The following TRIP4 variants were observed in gnomAD, a reference collection of about 807,000 sequenced individuals.
TRIP4 encodes activating signal cointegrator 1.
TRIP4 carries 54 observed loss-of-function variants against 81.8 expected under a neutral mutation model. The observed-to-expected ratio is 0.66, with a 90% CI of 0.53 to 0.83. The LOEUF is 0.83. Ranked by LOEUF, TRIP4 falls within the 40% of genes least tolerant of loss-of-function variation. TRIP4 has a pLI of 0.00. For synonymous variants in TRIP4, 270 were observed against 242.8 expected (o/e 1.11, Z -1.04); for missense variants, 662 against 683.6 (o/e 0.97, Z 0.35).
intron 11 of TRIP4, among the ~76,000 whole-genome samples, chr15:64,427,613 T>C (rs1171557044): frequency 2.0e-5 from 3 of 152,186 alleles, no homozygotes; most frequent in African/African-American, 7.2e-5. Context: ...TGGCCTCAAG[T>C]GATCCACCTG....
rs1342367441 is a variant in TRIP4, at chr15:64,397,662, A to C, written c.462A>C (p.Thr154=). ...KKKTKFVNLY[T]REGQDRLAVL... is the part of the protein sequence containing the mutation. ...AGACAAAGTTTGTCAATTTATACAC[A>C]AGAGAGGGACAGGACAGGCTTGCAG... Residue 154 remains threonine (T), a synonymous_variant, in exon 4 of 13, where the codon ACA becomes ACC. Transcript: ENST00000261884. 6.2e-7 allele frequency: 1 copy of C among 1,614,044 alleles called. No homozygotes were observed. The highest frequency in any genetic ancestry group is 8.5e-7 in the Non-Finnish European group (1 of 1,180,022).
At position 64,418,715 on chromosome 15, in the gene TRIP4, A is replaced by G. The variant is rs200294952; in HGVS notation, c.1345A>G (p.Arg449Gly). 14 of 1,611,464 alleles carry G rather than the reference A, an allele frequency of 8.7e-6. No individual in the cohort carries two copies. The highest frequency in any genetic ancestry group is 1.2e-5 in the Non-Finnish European group (14 of 1,179,064). Residue 449 changes from arginine to glycine, a missense_variant, in exon 9 of 13, where the codon AGA becomes GGA. Coordinates refer to ENST00000261884, the MANE Select transcript of TRIP4 (RefSeq NM_016213.5). ...VHQPWASLLV[R>G]GIKRVEGRSW... The stretch of plus-strand genomic sequence containing the variant: ...TCAGCCCTGGGCTTCTCTGCTTGTC[A>G]GAGGGATTAAAAGGTAAGAATAAAA...
At chr15:64,388,286 C>T (rs948861541) in intron 1 of TRIP4, among the ~76,000 whole-genome samples, 8 of 152,180 alleles carry the variant, frequency 5.3e-5, no homozygotes, top group Admixed American at 3.3e-4. Context: ...TAACTTTGAA[C>T]CCCTTACTCT....
rs757004255 is a variant in TRIP4, at chr15:64,409,790, C to A, written c.1005C>A (p.Ile335=). The A allele has an allele frequency of 6.2e-7, 1 of 1,613,986 alleles. No individual in the cohort carries two copies. The highest frequency in any genetic ancestry group is 8.5e-7 in the Non-Finnish European group (1 of 1,180,018). ...KVTIDFAGRK[I]LEEENSLAEY... ...CCATTGACTTTGCAGGAAGGAAGATCCTGGAAGAAGAAAATTCACTAGCAG... is the reference window on the plus strand; with the variant it reads ...CCATTGACTTTGCAGGAAGGAAGATACTGGAAGAAGAAAATTCACTAGCAG... The change falls in exon 7 of 13, where the codon ATC becomes ATA. Residue 335 remains isoleucine (I), a synonymous_variant. Transcript: ENST00000261884.
At chr15:64,416,221 A>G (rs1756311809) in intron 8 of TRIP4, among the ~76,000 whole-genome samples, 1 of 152,034 alleles carries the variant, frequency 6.6e-6, no homozygotes, top group South Asian at 2.1e-4. Flanking sequence ...ACACAGTGAG[A>G]CCCCATCTCT....
chr15:64,394,258 C>T (rs998676332), intron 2 of TRIP4, 143 bp downstream of exon 2: 11 of 675,738 alleles, frequency 1.6e-5, no homozygotes, highest in Admixed American at 1.1e-4. Flanking sequence ...ATTTTTAGTT[C>T]GGTTCTACTC....
rs10694997 is a variant in TRIP4 at position 64,444,746 on chromosome 15, C to CTT, written c.1576-241_1576-240dup. Reference sequence around the variant, plus strand: ...TTCTTCTGGGAGGATTTCAGGTATCCTTTTTTTTTTTTTTTTTTTTAATGA... The same window carrying CTT: ...TTCTTCTGGGAGGATTTCAGGTATCCTTTTTTTTTTTTTTTTTTTTTTAATGA... On this transcript the variant is annotated intron_variant, in intron 11 of 12. Coordinates refer to ENST00000261884, the MANE Select transcript of TRIP4 (RefSeq NM_016213.5). The CTT allele has an allele frequency of 0.88, 95,620 of 108,282 alleles. 43,342 individuals are homozygous for CTT. Among genetic ancestry groups the CTT allele is most frequent in the East Asian group, 0.96 (3,395 of 3,534 alleles). The allele number at this position is 108,282 out of a possible 1,614,324, so 6.7% of individuals were successfully genotyped here. A position where few individuals can be genotyped will look rare whatever the true frequency, so the allele number is the denominator to read the frequency against.
intron 12 of TRIP4, among the ~76,000 whole-genome samples, chr15:64,452,091 G>C (rs757750462): frequency 2.0e-5 from 3 of 152,106 alleles, no homozygotes; most frequent in Non-Finnish European, 4.4e-5. Context: ...CTCCTGAGTA[G>C]CTGGGACTCC....
At chr15:64,426,762 A>T (rs1482192338) in intron 11 of TRIP4, among the ~76,000 whole-genome samples, 1 of 148,920 alleles carries the variant, frequency 6.7e-6, no homozygotes, top group Non-Finnish European at 1.5e-5. Context: ...GTGCTTTGGG[A>T]GGCCAAGGCG....
In TRIP4 at chr15:64,424,097, A is replaced by T. The variant is rs951911391; in HGVS notation, c.1425A>T (p.Lys475Asn). The T allele has an allele frequency of 1.9e-6, 3 of 1,612,632 alleles. No homozygotes were observed. In the East Asian group the frequency reaches 6.7e-5, roughly 36 times the overall value. ...GRLWIAATAKKPSPQEVSELQ... is the reference protein window; with the variant it reads ...GRLWIAATAKNPSPQEVSELQ... Reference sequence around the variant, plus strand: ...TTTGGATAGCAGCCACAGCTAAAAAACCCTCCCCTCAAGAAGTCTCAGAAC... The same window carrying T: ...TTTGGATAGCAGCCACAGCTAAAAATCCCTCCCCTCAAGAAGTCTCAGAAC... Residue 475 changes from lysine (K) to asparagine (N), a missense_variant, in exon 10 of 13, where the codon AAA becomes AAT. Physicochemically the swap from Lys to Asn is moderately conservative, Grantham distance 94. Transcript: ENST00000261884.
In TRIP4 at chr15:64,425,536, T is replaced by G. The variant is rs202086698; in HGVS notation, c.1484-4T>G. On this transcript the variant is annotated splice_polypyrimidine_tract_variant and splice_region_variant and intron_variant, in intron 10 of 12. Coordinates refer to ENST00000261884, the MANE Select transcript of TRIP4 (RefSeq NM_016213.5). ...ATTCAATATTTTTGTTATTCCTGAT[T>G]CAGATGTGGAATTTCCTAATGACTA... is the stretch of plus-strand genomic sequence containing the variant. 127 of 1,606,086 alleles carry G rather than the reference T, an allele frequency of 7.9e-5. No individual in the cohort carries two copies. The highest frequency in any genetic ancestry group is 1.0e-4 in the Non-Finnish European group (122 of 1,177,438).
At chr15:64,395,660 A>C (rs1900270129) in intron 3 of TRIP4, 129 bp downstream of exon 3, 1 of 1,079,710 alleles carries the variant, frequency 9.3e-7, no homozygotes. Context: ...AATTTTAGGT[A>C]GAAAAAGTTA....
intron 11 of TRIP4, among the ~76,000 whole-genome samples, chr15:64,433,562 C>G (rs1892323046): frequency 6.6e-6 from 1 of 152,124 alleles, no homozygotes; most frequent in African/African-American, 2.4e-5. Flanking sequence ...TGAGATCGCA[C>G]CATTGCACTC....
intron 1 of TRIP4, among the ~76,000 whole-genome samples, chr15:64,388,362 G>A (rs1261108970): frequency 6.6e-6 from 1 of 152,068 alleles, no homozygotes; most frequent in Admixed American, 6.6e-5. Flanking sequence ...GCTGGCGTGC[G>A]GTGGCGCGAT....
At position 64,393,967 on chromosome 15, in the gene TRIP4, T is replaced by G. The variant is rs781034159; in HGVS notation, c.123T>G (p.Ser41Arg). 3 of 1,601,638 alleles carry G rather than the reference T, an allele frequency of 1.9e-6. No homozygotes were observed. Among genetic ancestry groups the G allele is most frequent in the Non-Finnish European group, 2.6e-6 (3 of 1,175,184 alleles). Residue 41 changes from serine to arginine, a missense_variant, in exon 2 of 13, where the codon AGT becomes AGG. Transcript: ENST00000261884. ...EIIQYVLSIESAEEIREYVTD... is the reference protein window; with the variant it reads ...EIIQYVLSIERAEEIREYVTD... ...TGAGGTACGTTTTGTCAATTGAGAGTGCTGAAGAGATACGAGAATATGTTA... is the reference window on the plus strand; with the variant it reads ...TGAGGTACGTTTTGTCAATTGAGAGGGCTGAAGAGATACGAGAATATGTTA...
intron 11 of TRIP4, among the ~76,000 whole-genome samples, chr15:64,443,916 G>GT (rs1892570384): frequency 6.6e-6 from 1 of 152,138 alleles, no homozygotes; most frequent in East Asian, 1.9e-4. Flanking sequence ...GAAAGCCATG[G>GT]TGTATGGGCA....
At chr15:64,435,367 A>G (rs1343728714) in intron 11 of TRIP4, among the ~76,000 whole-genome samples, 1 of 151,474 alleles carries the variant, frequency 6.6e-6, no homozygotes, top group Non-Finnish European at 1.5e-5. Context: ...TAAAAAAAAT[A>G]CAAAAAAAAT....
chr15:64,394,093 G>A lies in TRIP4; in HGVS notation c.249G>A (p.Leu83=). The change falls in exon 2 of 13, where the codon TTG becomes TTA. Residue 83 remains leucine (L), a synonymous_variant. Transcript: ENST00000261884. The stretch of plus-strand genomic sequence containing the variant: ...ATCAGGAGTTGATTTCGGATCCTTT[G>A]CAGCAGTGCTTCAAAAAAGATGGTA... ...KNDQELISDP[L]QQCFKKDEIL... The A allele has an allele frequency of 6.3e-7, 1 of 1,599,232 alleles. No homozygotes were observed.
At chr15:64,420,356 G>A (rs146721367) in intron 9 of TRIP4, among the ~76,000 whole-genome samples, 1,973 of 151,510 alleles carry the variant, frequency 0.013, 32 homozygotes, top group African/African-American at 0.046. Context: ...CCCGAACTCA[G>A]GTGATCTGAC....
Sources: allele counts gnomAD v4.1 joint callset (sites outside exome capture counted in the v4.1 genomes callset), GRCh38; gene constraint gnomAD v4.1.1; transcripts MANE v1.5; gene names NCBI Gene and HGNC (gene_info 2026-07-23, HGNC 2026-07-21).